WDTC1: variants seen among roughly 807,000 people sequenced by gnomAD.
WDTC1 encodes WD and tetratricopeptide repeats 1.
In WDTC1, 12 loss-of-function variants were observed where a neutral mutation model predicts 76.0. That is an observed-to-expected ratio of 0.16 (90% CI 0.10 to 0.26). The LOEUF (loss-of-function observed/expected upper bound fraction) is 0.26. Ranked by LOEUF, WDTC1 falls within the 10% of genes least tolerant of loss-of-function variation. The pLI is 1.00. For missense variants in WDTC1, 511 were observed against 908.8 expected, an observed-to-expected ratio of 0.56 and a Z score of 5.63; for synonymous variants, 326 against 350.8, an observed-to-expected ratio of 0.93 and a Z score of 0.79.
At chr1:27,290,830 A>G (rs2013515282) in intron 6 of WDTC1, among the ~76,000 whole-genome samples, 1 of 152,218 alleles carries the variant, frequency 6.6e-6, no homozygotes, top group African/African-American at 2.4e-5. Flanking sequence ...TATATAAATT[A>G]TAACATAGTC....
chr1:27,266,732 A>AT (rs2012686248), intron 3 of WDTC1, among the ~76,000 whole-genome samples: 1 of 152,188 alleles, frequency 6.6e-6, no homozygotes, highest in South Asian at 2.1e-4. Context: ...ATGTTAGTCA[A>AT]TAATAGTTTA....
chr1:27,287,119 C>T (rs939605226), intron 5 of WDTC1, among the ~76,000 whole-genome samples: 4 of 150,846 alleles, frequency 2.7e-5, no homozygotes, highest in Non-Finnish European at 4.4e-5. Flanking sequence ...GCCGAGATTG[C>T]ACCACTGCAC....
intron 1 of WDTC1, among the ~76,000 whole-genome samples, chr1:27,239,434 A>T (rs2011565992): frequency 1.3e-5 from 2 of 150,026 alleles, no homozygotes; most frequent in South Asian, 4.2e-4. Flanking sequence ...AGGCGGGGGC[A>T]TCACTTGAGT....
intron 5 of WDTC1, among the ~76,000 whole-genome samples, chr1:27,285,385 T>C (rs2013302585): frequency 2.0e-5 from 3 of 151,982 alleles, no homozygotes; most frequent in African/African-American, 4.8e-5. Context: ...AAAGAGTGAA[T>C]TGTTGTTCTT....
In WDTC1 at chr1:27,282,250, A is replaced by T. The variant is rs2013209725; in HGVS notation, c.144A>T (p.Gly48=). The T allele has an allele frequency of 4.3e-6, 7 of 1,613,790 alleles. No individual in the cohort carries two copies. In the African/African-American group the frequency reaches 5.3e-5, roughly 12 times the overall value. ...ATTTGCTCCCCCAGGGTCACTCAGG[A>T]TGTGTCAACTGTCTGGAGTGGAATG... is the stretch of plus-strand genomic sequence containing the variant. ...GLEAELQGHS[G]CVNCLEWNEK... The change falls in exon 4 of 16, where the codon GGA becomes GGT. Residue 48 remains glycine (G), a synonymous_variant. Coordinates refer to ENST00000319394, the MANE Select transcript of WDTC1 (RefSeq NM_001276252.2).
At chr1:27,236,882 A>G (rs1352628360) in intron 1 of WDTC1, among the ~76,000 whole-genome samples, 1 of 152,134 alleles carries the variant, frequency 6.6e-6, no homozygotes, top group East Asian at 1.9e-4. Context: ...TCTGTTGCCC[A>G]GGCTGAAGTG....
intron 1 of WDTC1, among the ~76,000 whole-genome samples, chr1:27,237,974 A>G (rs892901796): frequency 6.6e-6 from 1 of 152,166 alleles, no homozygotes; most frequent in Non-Finnish European, 1.5e-5. Flanking sequence ...AAAGTGACTG[A>G]CATTTTATTC....
chr1:27,240,619 T>C (rs2011603013), intron 1 of WDTC1, among the ~76,000 whole-genome samples: 1 of 152,196 alleles, frequency 6.6e-6, no homozygotes, highest in South Asian at 2.1e-4. Context: ...TTCTTTGAGC[T>C]ATTAAGTAAT....
intron 1 of WDTC1, among the ~76,000 whole-genome samples, chr1:27,240,641 C>T (rs2011603444): frequency 6.6e-6 from 1 of 152,062 alleles, no homozygotes; most frequent in Admixed American, 6.6e-5. Context: ...GCTGCTGACT[C>T]CTTGAAGGGC....
chr1:27,239,731 C>T (rs1450070764), intron 1 of WDTC1, among the ~76,000 whole-genome samples: 4 of 143,298 alleles, frequency 2.8e-5, no homozygotes, highest in Non-Finnish European at 3.0e-5. Flanking sequence ...ATGAGAATTG[C>T]TTGAACCTGG....
At chr1:27,298,243 A>T in intron 12 of WDTC1, 132 bp downstream of exon 12, 1 of 1,169,174 alleles carries the variant, frequency 8.6e-7, no homozygotes, top group Non-Finnish European at 1.2e-6. Flanking sequence ...GCTGCCTCTT[A>T]GGGCTTCTTG....
intron 5 of WDTC1, among the ~76,000 whole-genome samples, chr1:27,284,707 C>T (rs572622138): frequency 9.9e-5 from 15 of 152,098 alleles, no homozygotes; most frequent in Admixed American, 3.3e-4. Flanking sequence ...TTGATACTCC[C>T]TAACGGTAAG....
At chr1:27,258,202 A>G (rs186877901) in intron 1 of WDTC1, among the ~76,000 whole-genome samples, 207 of 151,678 alleles carry the variant, frequency 1.4e-3, no homozygotes, top group Admixed American at 3.3e-3. Context: ...AGTTTGAGAC[A>G]GCATGGGCAA....
Sources: allele counts gnomAD v4.1 joint callset (sites outside exome capture counted in the v4.1 genomes callset), GRCh38; gene constraint gnomAD v4.1.1; transcripts MANE v1.5; gene names NCBI Gene and HGNC (gene_info 2026-07-23, HGNC 2026-07-21).